Variants in CELF6 observed in about 807,000 individuals in gnomAD.
CELF6 encodes the protein Bruno -like 6, RNA binding protein.
CELF6 carries 32 observed loss-of-function variants against 53.1 expected under a neutral mutation model. The observed-to-expected ratio is 0.60, with a 90% CI of 0.46 to 0.81. The LOEUF (loss-of-function observed/expected upper bound fraction) is 0.81. Among genes scored for constraint, CELF6 ranks in the 30% least tolerant of loss-of-function variants. CELF6 has a pLI of 0.00. For synonymous variants in CELF6, 291 were observed against 288.8 expected (o/e 1.01, Z -0.08); for missense variants, 539 against 669.5 (o/e 0.81, Z 2.15).
intron 3 of CELF6, among the ~76,000 whole-genome samples, chr15:72,299,939 C>A (rs1418734884): frequency 6.6e-6 from 1 of 152,134 alleles, no homozygotes; most frequent in Admixed American, 6.5e-5. Context: ...GCCAAGGCTG[C>A]GGGAGATGGC....
intron 3 of CELF6, among the ~76,000 whole-genome samples, chr15:72,298,336 TTACGCAATTA>T (rs1392216211): frequency 6.6e-6 from 1 of 152,226 alleles, no homozygotes; most frequent in Non-Finnish European, 1.5e-5. Context: ...CAGAAATTAC[TTACGCAATTA>T]TAGGATAGTG....
At chr15:72,307,485 C>T (rs2088246293) in intron 2 of CELF6, among the ~76,000 whole-genome samples, 1 of 152,196 alleles carries the variant, frequency 6.6e-6, no homozygotes, top group Non-Finnish European at 1.5e-5. Context: ...CACTCTGTGC[C>T]AGGCCCTTCC....
Position 72,319,777 on chromosome 15 carries a change from T to C in CELF6, c.98A>G (p.Asn33Ser), listed in dbSNP as rs1028184497. 1.9e-6 allele frequency: 3 copies of C among 1,572,234 alleles called. No individual in the cohort carries two copies. Among genetic ancestry groups the C allele is most frequent in the Non-Finnish European group, 2.6e-6 (3 of 1,158,588 alleles). Residue 33 changes from asparagine (N) to serine (S), a missense_variant, in exon 1 of 13, where the codon AAC becomes AGC. Physicochemically the swap from Asn to Ser is conservative, Grantham distance 46. Transcript: ENST00000287202. The surrounding 1 kb of genome is among the most constrained non-coding windows in gnomAD (Gnocchi z 5.0). ...CTTCATGGGTACGGCGGGACCGGGG[T>C]TTAGCCCGCTCATGCCGACGCCGCT... ...ADSGVGMSGL[N>S]PGPAVPMKDH...
rs1348398271 is a variant in CELF6 at position 72,289,606 on chromosome 15, A to G, written c.747+21T>C. On this transcript the variant is annotated intron_variant, in intron 6 of 12. Coordinates refer to ENST00000287202, the MANE Select transcript of CELF6 (RefSeq NM_052840.5). The surrounding 1 kb of genome is among the most constrained non-coding windows in gnomAD (Gnocchi z 7.6). ...GGCCCACCCACCTGCGCGCCCTCGCACGCAGGTGCCCGGTACCTACCGCCG... is the reference window on the plus strand; with the variant it reads ...GGCCCACCCACCTGCGCGCCCTCGCGCGCAGGTGCCCGGTACCTACCGCCG... 1 of 1,487,122 alleles carries G rather than the reference A, an allele frequency of 6.7e-7. No homozygotes were observed. 92.1% of individuals were successfully genotyped at this position (1,487,122 alleles called of 1,614,324 possible). A position where few individuals can be genotyped will look rare whatever the true frequency, so the allele number is the denominator to read the frequency against.
rs2087907897 is a variant in CELF6, at chr15:72,285,315, G to A, written c.*1056C>T. 1 of 152,636 alleles carries A rather than the reference G, an allele frequency of 6.6e-6. No individual in the cohort carries two copies. Among genetic ancestry groups the A allele is most frequent in the Non-Finnish European group, 1.5e-5 (1 of 68,058 alleles). The allele number at this position is 152,636 out of a possible 1,614,324, so 9.5% of individuals were successfully genotyped here. A position where few individuals can be genotyped will look rare whatever the true frequency, so the allele number is the denominator to read the frequency against. ...ATTGAAAAATTTCCCCTTCTCAATG[G>A]CAGTATATACAGTAGCAAACCTTCC... On this transcript the variant is annotated 3_prime_UTR_variant, in exon 13 of 13. Transcript: ENST00000287202.
chr15:72,309,613 T>C (rs1171705575), intron 2 of CELF6, among the ~76,000 whole-genome samples: 2 of 152,134 alleles, frequency 1.3e-5, no homozygotes, highest in South Asian at 2.1e-4. Context: ...GCAGTGGTGA[T>C]GGAGGACACC....
Position 72,319,676 on chromosome 15 carries a change from C to G in CELF6, c.199G>C (p.Glu67Gln), listed in dbSNP as rs778808085. 1 of 1,588,082 alleles carries G rather than the reference C, an allele frequency of 6.3e-7. No homozygotes were observed. The highest frequency in any genetic ancestry group is 1.3e-5 in the African/African-American group (1 of 74,668). The change falls in exon 1 of 13, where the codon GAG (glutamate) becomes CAG (glutamine). Residue 67 changes from glutamate to glutamine, a missense_variant. Physicochemically the swap from Glu to Gln is conservative, Grantham distance 29. Transcript: ENST00000287202. This position sits in a 1 kb window ranked among gnomAD's most constrained non-coding sequence, Gnocchi z 5.0. ...AGCTCGTAGATGCGGCCGAACTCCT[C>G]GAACAGCGGCTTGAGGTCCTGCTCG... ...LDEQDLKPLF[E>Q]EFGRIYELTV...
chr15:72,315,301 AG>A (rs1373448528), intron 2 of CELF6, among the ~76,000 whole-genome samples: 1 of 152,228 alleles, frequency 6.6e-6, no homozygotes, highest in African/African-American at 2.4e-5. Context: ...AGACCAGACC[AG>A]GTACCATTGG....
intron 3 of CELF6, among the ~76,000 whole-genome samples, chr15:72,300,666 T>C (rs2088141976): frequency 6.6e-6 from 1 of 152,038 alleles, no homozygotes; most frequent in Admixed American, 6.6e-5. Flanking sequence ...AAACCTCGTC[T>C]CTACTAAAAA....
intron 12 of CELF6, among the ~76,000 whole-genome samples, chr15:72,286,959 C>T (rs2087930537): frequency 6.6e-6 from 1 of 152,234 alleles, no homozygotes; most frequent in South Asian, 2.1e-4. Flanking sequence ...AGGTTCTCTA[C>T]TCTCATTGGC....
intron 2 of CELF6, among the ~76,000 whole-genome samples, chr15:72,307,831 T>A (rs2088249781): frequency 6.6e-6 from 1 of 152,198 alleles, no homozygotes; most frequent in Non-Finnish European, 1.5e-5. Flanking sequence ...GAAAGCTGCA[T>A]AGAAGAGGCA....
chr15:72,287,248 T>C lies in CELF6; in HGVS notation c.*17A>G, dbSNP rs758582557. Reference sequence around the variant, plus strand: ...CATCAGGGACTCACCTTTCTGTGGCTGGTCAGTGAAAGCAGGTCAGTAAGG... The same window carrying C: ...CATCAGGGACTCACCTTTCTGTGGCCGGTCAGTGAAAGCAGGTCAGTAAGG... On this transcript the variant is annotated 3_prime_UTR_variant, in exon 12 of 13. Transcript: ENST00000287202. 3 of 1,612,850 alleles carry C rather than the reference T, an allele frequency of 1.9e-6. No homozygotes were observed. The highest frequency in any genetic ancestry group is 2.2e-5 in the East Asian group (1 of 44,896).
At chr15:72,311,855 T>G (rs1334451973) in intron 2 of CELF6, among the ~76,000 whole-genome samples, 1 of 152,258 alleles carries the variant, frequency 6.6e-6, no homozygotes, top group East Asian at 1.9e-4. Context: ...TCCTCTGGGC[T>G]GACAAAGCCT....
intron 3 of CELF6, among the ~76,000 whole-genome samples, chr15:72,297,445 A>G (rs1268172441): frequency 6.6e-6 from 1 of 152,230 alleles, no homozygotes; most frequent in Non-Finnish European, 1.5e-5. Context: ...AATCTTTTGT[A>G]CACCCATATT....
intron 12 of CELF6, 67 bp downstream of exon 12, chr15:72,287,170 G>T: frequency 6.8e-7 from 1 of 1,464,790 alleles, no homozygotes; most frequent in Non-Finnish European, 9.3e-7. Context: ...CCCAAAAGGA[G>T]GACCATCAAA....
chr15:72,307,041 A>G (rs758467052), intron 2 of CELF6, among the ~76,000 whole-genome samples: 1 of 151,696 alleles, frequency 6.6e-6, no homozygotes, highest in Non-Finnish European at 1.5e-5. Flanking sequence ...GTAGGGAAGA[A>G]GGCCAAAAGA....
At chr15:72,299,080 C>T (rs1054428741) in intron 3 of CELF6, among the ~76,000 whole-genome samples, 1 of 151,570 alleles carries the variant, frequency 6.6e-6, no homozygotes, top group Non-Finnish European at 1.5e-5. Context: ...CGGTAGCAGG[C>T]GCCTCTAGTT....
In CELF6 at chr15:72,290,196, G is replaced by A. The variant is rs1168637522; in HGVS notation, c.454C>T (p.Arg152Cys). 8 of 1,613,932 alleles carry A rather than the reference G, an allele frequency of 5.0e-6. No individual in the cohort carries two copies. The highest frequency in any genetic ancestry group is 6.8e-6 in the Non-Finnish European group (8 of 1,179,962). Residue 152 changes from arginine to cysteine, a missense_variant, in exon 4 of 13, where the codon CGC (arginine) becomes TGC (cysteine). Arg to Cys is a radical substitution (Grantham distance 180, BLOSUM62 -3). Around this residue, in one of 3 missense-constraint regions of CELF6, gnomAD observed 97 missense variants for 168.8 expected, o/e 0.57. Transcript: ENST00000287202. The stretch of plus-strand genomic sequence containing the variant: ...ATGTGGCCAAAGGGCTGGAACAGGC[G>A]TCTGACGTCCTCCTCACCCTGCTGC... ...GKQQGEEDVR[R>C]LFQPFGHIEE...
Position 72,289,311 on chromosome 15 carries a change from G to C in CELF6, c.881-24C>G. On this transcript the variant is annotated intron_variant, in intron 7 of 12. Transcript: ENST00000287202. This position sits in a 1 kb window ranked among gnomAD's most constrained non-coding sequence, Gnocchi z 7.6. Reference sequence around the variant, plus strand: ...TGCTGATGGCGGAAAAGGTCTGAGAGTCAGGCCGCCACCCCGCCCCGCCCG... The same window carrying C: ...TGCTGATGGCGGAAAAGGTCTGAGACTCAGGCCGCCACCCCGCCCCGCCCG... 1 of 1,545,988 alleles carries C rather than the reference G, an allele frequency of 6.5e-7. No homozygotes were observed. The highest frequency in any genetic ancestry group is 8.7e-7 in the Non-Finnish European group (1 of 1,153,100).
Sources: allele counts gnomAD v4.1 joint callset (sites outside exome capture counted in the v4.1 genomes callset), GRCh38; gene constraint gnomAD v4.1.1; regional missense constraint gnomAD v4.1.1; non-coding constraint Gnocchi (gnomAD v3.1); transcripts MANE v1.5; gene names NCBI Gene and HGNC (gene_info 2026-07-23, HGNC 2026-07-21).